PCDH15: variants seen among roughly 807,000 people sequenced by gnomAD.
The protein encoded by PCDH15 is protocadherin related 15, also known as protocadherin-15.
In PCDH15, 129 loss-of-function variants were observed where a neutral mutation model predicts 178.5. That is an observed-to-expected ratio of 0.72 (90% CI 0.63 to 0.84). PCDH15 has a LOEUF of 0.84. Among genes scored for constraint, PCDH15 ranks in the 40% least tolerant of loss-of-function variants. The pLI, the probability that PCDH15 is intolerant of heterozygous loss-of-function variation, is 0.00. For missense variants in PCDH15, 2,230 were observed against 2,099.9 expected (o/e 1.06, Z -1.21); for synonymous variants, 800 against 732.0 (o/e 1.09, Z -1.50).
chr10:54,599,954 A>C (rs1187235013), intron 2 of PCDH15: 4 of 995,548 alleles, frequency 4.0e-6, no homozygotes, highest in Non-Finnish European at 6.2e-6. Flanking sequence ...GCAGACACCA[A>C]GGTGGAAAAG....
At chr10:55,192,233 T>A (rs1469401335) in intron 1 of PCDH15, among the ~76,000 whole-genome samples, 1 of 151,878 alleles carries the variant, frequency 6.6e-6, no homozygotes, top group Non-Finnish European at 1.5e-5. Context: ...TTATTTCCTC[T>A]GTCTCTTCCA....
chr10:53,987,216 AAAT>A (rs938021183), intron 21 of PCDH15, among the ~76,000 whole-genome samples: 1 of 152,146 alleles, frequency 6.6e-6, no homozygotes, highest in Non-Finnish European at 1.5e-5. Context: ...ATAATTTATT[AAAT>A]AATAAAAACA....
chr10:54,586,818 G>A lies in PCDH15; in HGVS notation c.92-58941C>T, dbSNP rs1325789047. Among the ~76,000 whole-genome samples the A allele has an allele frequency of 3.9e-5, 6 of 152,146 alleles. No individual in the cohort carries two copies. The East Asian group carries it at 9.6e-4, about 24-fold the overall frequency. ...CGGATGTGCCATAGTTTGTAAAAGA[G>A]TTGAGAATGGCTGCTAGCTAGTAGA... On this transcript the variant is annotated intron_variant, in intron 2 of 37. Coordinates refer to ENST00000644397, the MANE Select transcript of PCDH15 (RefSeq NM_001384140.1).
rs796239515 is a variant in PCDH15 at position 55,220,671 on chromosome 10, T to C, written c.-155-54020A>G. 3.3e-5 allele frequency among the ~76,000 whole-genome samples: 5 copies of C among 152,076 alleles called. No homozygotes were observed. In the South Asian group the frequency reaches 1.0e-3, roughly 31 times the overall value. On this transcript the variant is annotated intron_variant, in intron 1 of 5. Coordinates refer to the PCDH15 transcript ENST00000458638. The stretch of plus-strand genomic sequence containing the variant: ...CGTACGTATCTAAACTTAGAAAAGA[T>C]ACAGTGAAAAATATGATATCATGAT...
At chr10:55,475,326 A>G (rs531561909) in intron 2 of PCDH15, among the ~76,000 whole-genome samples, 2 of 152,252 alleles carry the variant, frequency 1.3e-5, no homozygotes, top group Admixed American at 1.3e-4. Flanking sequence ...GCAACACTAC[A>G]TTCTAATCTC....
At chr10:54,637,100 C>T (rs1385354302) in intron 2 of PCDH15, among the ~76,000 whole-genome samples, 6 of 135,880 alleles carry the variant, frequency 4.4e-5, no homozygotes, top group Admixed American at 3.2e-4. Flanking sequence ...TACTCCTAGT[C>T]AAGACTCAAC....
chr10:53,914,412 C>T (rs913463792), intron 25 of PCDH15, among the ~76,000 whole-genome samples: 1 of 152,154 alleles, frequency 6.6e-6, no homozygotes, highest in Non-Finnish European at 1.5e-5. Context: ...GGCACATATA[C>T]ACCATGGAAT....
intron 3 of PCDH15, among the ~76,000 whole-genome samples, chr10:54,508,988 T>G (rs2081405481): frequency 6.6e-6 from 1 of 152,150 alleles, no homozygotes; most frequent in Non-Finnish European, 1.5e-5. Context: ...AAATGATATT[T>G]TAAATAATTT....
chr10:53,866,301 C>T (rs2079443502), intron 27 of PCDH15, among the ~76,000 whole-genome samples: 1 of 151,932 alleles, frequency 6.6e-6, no homozygotes, highest in Non-Finnish European at 1.5e-5. Flanking sequence ...TTATGTAGCA[C>T]TGGACACCCT....
At chr10:53,913,730 C>T (rs1199753313) in intron 25 of PCDH15, among the ~76,000 whole-genome samples, 17 of 150,210 alleles carry the variant, frequency 1.1e-4, no homozygotes, top group Admixed American at 2.7e-4. Context: ...GATGACAGAG[C>T]GAGACTCTGT....
rs1403555198 is a variant in PCDH15 at position 54,290,747 on chromosome 10, T to C, written c.876+26524A>G. Among the ~76,000 whole-genome samples, 4 of 152,314 alleles carry C rather than the reference T, an allele frequency of 2.6e-5. No homozygotes were observed. In the East Asian group the frequency reaches 7.7e-4, roughly 29 times the overall value. ...CTAAAAAAAGCAGGGGTTGCAATCT[T>C]AGTCTCTGATAAAACAGATTTTAAA... is the stretch of plus-strand genomic sequence containing the variant. On this transcript the variant is annotated intron_variant, in intron 8 of 37. Coordinates refer to ENST00000644397, the MANE Select transcript of PCDH15 (RefSeq NM_001384140.1).
intron 3 of PCDH15, among the ~76,000 whole-genome samples, chr10:54,822,142 T>C (rs1013129853): frequency 2.6e-5 from 4 of 152,208 alleles, no homozygotes; most frequent in Admixed American, 6.6e-5. Context: ...CTAAAACATT[T>C]ATTATTTATT....
chr10:55,147,456 A>T (rs67225664), intron 2 of PCDH15, among the ~76,000 whole-genome samples: 78,836 of 150,466 alleles, frequency 0.52, 21,019 homozygotes, highest in South Asian at 0.64. Flanking sequence ...TTCAATTTTT[A>T]AAAAAAATTT....
chr10:54,665,847 T>C (rs970045310), intron 1 of PCDH15, among the ~76,000 whole-genome samples: 1 of 152,016 alleles, frequency 6.6e-6, no homozygotes, highest in South Asian at 2.1e-4. Flanking sequence ...GAAGAGCTCA[T>C]TATTAGATGC....
chr10:55,114,977 G>A (rs1250645197), intron 2 of PCDH15, among the ~76,000 whole-genome samples: 3 of 152,206 alleles, frequency 2.0e-5, no homozygotes, highest in Admixed American at 2.0e-4. Flanking sequence ...AAATATTAAT[G>A]AGCATATTGG....
In PCDH15 at chr10:53,821,903, G is replaced by A. The variant is rs768223980; in HGVS notation, c.4368-1673C>T. 18 of 1,613,508 alleles carry A rather than the reference G, an allele frequency of 1.1e-5. No individual in the cohort carries two copies. Among genetic ancestry groups the A allele is most frequent in the Admixed American group, 3.3e-5 (2 of 59,980 alleles). The stretch of plus-strand genomic sequence containing the variant: ...TGTGAGATTGTTTTTCAGTTCCCTC[G>A]ACAATATTGTTCAAACTCCCCTTGT... On this transcript the variant is annotated intron_variant, in intron 32 of 37. Transcript: ENST00000644397.
At chr10:54,394,421 C>CTCCT (rs200626719) in intron 3 of PCDH15, among the ~76,000 whole-genome samples, 3,128 of 152,078 alleles carry the variant, frequency 0.021, 95 homozygotes, top group African/African-American at 0.067. Context: ...CATCACATGT[C>CTCCT]GGTACGTTCC....
intron 1 of PCDH15, among the ~76,000 whole-genome samples, chr10:54,758,230 T>C (rs771395898): frequency 7.9e-5 from 12 of 152,320 alleles, no homozygotes; most frequent in Non-Finnish European, 1.2e-4. Context: ...AATTTTTTAT[T>C]TGATTGTGAT....
chr10:54,672,573 T>A (rs1481501086), intron 1 of PCDH15, among the ~76,000 whole-genome samples: 1 of 152,148 alleles, frequency 6.6e-6, no homozygotes, highest in Admixed American at 6.6e-5. Flanking sequence ...CCAGGTGACT[T>A]CTTGGACCAG....
Sources: allele counts gnomAD v4.1 joint callset (sites outside exome capture counted in the v4.1 genomes callset), GRCh38; gene constraint gnomAD v4.1.1; transcripts MANE v1.5; gene names NCBI Gene and HGNC (gene_info 2026-07-23, HGNC 2026-07-21).